FBXL17: variants seen among roughly 807,000 people sequenced by gnomAD.
FBXL17 encodes F-box/LRR-repeat protein 17.
FBXL17 carries 22 observed loss-of-function variants against 66.2 expected under a neutral mutation model. The ratio of observed to expected loss-of-function variants is 0.33; its 90% CI spans 0.24 to 0.47. The LOEUF is 0.47. Ranked by LOEUF, FBXL17 falls within the 20% of genes least tolerant of loss-of-function variation. The probability of loss-of-function intolerance (pLI) is 1.00; values close to 1 mark genes in which losing one functional copy is unlikely to be tolerated. For synonymous variants in FBXL17, 474 were observed against 400.5 expected, an observed-to-expected ratio of 1.18 and a Z score of -2.19; for missense variants, 878 against 948.2, an observed-to-expected ratio of 0.93 and a Z score of 0.97.
intron 4 of FBXL17, among the ~76,000 whole-genome samples, chr5:108,268,119 G>A (rs1318016733): frequency 6.6e-6 from 1 of 152,018 alleles, no homozygotes; most frequent in Non-Finnish European, 1.5e-5. Flanking sequence ...ACATTAGGCA[G>A]CTGATGGGGA....
intron 5 of FBXL17, among the ~76,000 whole-genome samples, chr5:108,215,397 A>G (rs1754556033): frequency 6.6e-6 from 1 of 152,144 alleles, no homozygotes; most frequent in Non-Finnish European, 1.5e-5. Flanking sequence ...TTTTTATTAC[A>G]ACCATCCTAG....
intron 7 of FBXL17, among the ~76,000 whole-genome samples, chr5:107,993,748 C>G (rs1351394538): frequency 3.3e-5 from 5 of 152,090 alleles, no homozygotes; most frequent in Non-Finnish European, 5.9e-5. Context: ...CAGGAATTTT[C>G]CTGTCAAATC....
Position 108,063,028 on chromosome 5 carries a change from T to G in FBXL17, c.1746-42027A>C, listed in dbSNP as rs191365532. ...TTCTTTTTGTATTTTTTTCTCACTT[T>G]TATCTCATACACTATTATAGTAGAA... On this transcript the variant is annotated intron_variant, in intron 6 of 8. Coordinates refer to ENST00000542267, the MANE Select transcript of FBXL17 (RefSeq NM_001163315.3). Among the ~76,000 whole-genome samples the G allele has an allele frequency of 6.4e-4, 97 of 152,330 alleles. No individual in the cohort carries two copies. In the East Asian group the frequency reaches 0.018, roughly 29 times the overall value.
intron 8 of FBXL17, among the ~76,000 whole-genome samples, chr5:107,871,069 A>AAAAAAAAAAAAAAAAC (rs1456052737): frequency 1.7e-4 from 22 of 130,222 alleles, no homozygotes; most frequent in African/African-American, 2.9e-4. Flanking sequence ...AAAAAAAAAA[A>AAAAAAAAAAAAAAAAC]AAAAAAAAAA....
chr5:108,221,868 G>A (rs1199197278), intron 5 of FBXL17, among the ~76,000 whole-genome samples: 2 of 152,116 alleles, frequency 1.3e-5, no homozygotes. Flanking sequence ...CAGAACCGAT[G>A]CATGTATAAA....
chr5:108,171,879 TG>T, intron 6 of FBXL17, among the ~76,000 whole-genome samples: 3 of 152,286 alleles, frequency 2.0e-5, no homozygotes, highest in Middle Eastern at 6.8e-3. Flanking sequence ...GTTCTTGCAA[TG>T]GTGAGTAAGT....
At chr5:108,006,573 T>C (rs747712699) in intron 7 of FBXL17, among the ~76,000 whole-genome samples, 13 of 152,234 alleles carry the variant, frequency 8.5e-5, no homozygotes, top group Non-Finnish European at 1.9e-4. Context: ...ATTAACCTAC[T>C]GAAAAGGAAG....
chr5:107,891,008 T>C (rs1749181021), intron 7 of FBXL17, among the ~76,000 whole-genome samples: 2 of 152,168 alleles, frequency 1.3e-5, no homozygotes, highest in African/African-American at 4.8e-5. Context: ...AAATAGACTA[T>C]ATAATTTTTC....
chr5:108,251,080 G>A (rs1756329701), intron 4 of FBXL17, among the ~76,000 whole-genome samples: 1 of 151,904 alleles, frequency 6.6e-6, no homozygotes, highest in South Asian at 2.1e-4. Flanking sequence ...TGAAAAACTA[G>A]CACCAATTAT....
chr5:107,965,696 T>C (rs550110969), intron 7 of FBXL17, among the ~76,000 whole-genome samples: 20 of 152,290 alleles, frequency 1.3e-4, no homozygotes, highest in African/African-American at 4.6e-4. Context: ...GCTTCCTTCA[T>C]AGGAAAAATT....
At chr5:108,298,465 T>G (rs981520702) in intron 4 of FBXL17, 1 of 970,334 alleles carries the variant, frequency 1.0e-6, no homozygotes, top group Non-Finnish European at 1.2e-6. Context: ...GCTTTAAATT[T>G]TACTGAAAGC....
At chr5:108,312,606 T>C in intron 4 of FBXL17, among the ~76,000 whole-genome samples, 1 of 152,050 alleles carries the variant, frequency 6.6e-6, no homozygotes, top group Non-Finnish European at 1.5e-5. Context: ...AACCCTGCTA[T>C]TCTAATTTTA....
chr5:108,341,266 A>G (rs1025673194), intron 4 of FBXL17, among the ~76,000 whole-genome samples: 1 of 152,186 alleles, frequency 6.6e-6, no homozygotes, highest in Non-Finnish European at 1.5e-5. Flanking sequence ...ATATTTAACC[A>G]TATGTCACTA....
intron 7 of FBXL17, among the ~76,000 whole-genome samples, chr5:108,009,421 T>G (rs1006250034): frequency 6.6e-6 from 1 of 150,546 alleles, no homozygotes; most frequent in African/African-American, 2.5e-5. Flanking sequence ...TAATTTTTAG[T>G]TTTTTAAAAT....
intron 8 of FBXL17, among the ~76,000 whole-genome samples, chr5:107,870,843 C>T (rs1205508484): frequency 1.3e-5 from 2 of 151,710 alleles, no homozygotes; most frequent in Non-Finnish European, 2.9e-5. Context: ...CCTCAGCCTC[C>T]CCAAAGTGCT....
intron 4 of FBXL17, among the ~76,000 whole-genome samples, chr5:108,266,237 T>C (rs1194039740): frequency 6.6e-6 from 1 of 152,150 alleles, no homozygotes; most frequent in African/African-American, 2.4e-5. Context: ...CCCTTATCCA[T>C]AGTTTCACAT....
At chr5:108,034,827 T>A (rs771564315) in intron 6 of FBXL17, among the ~76,000 whole-genome samples, 29 of 152,184 alleles carry the variant, frequency 1.9e-4, no homozygotes, top group Non-Finnish European at 2.6e-4. Context: ...ACTATTCAAT[T>A]ATGCCATATA....
At chr5:108,194,680 C>T (rs1753607576) in intron 5 of FBXL17, among the ~76,000 whole-genome samples, 1 of 152,172 alleles carries the variant, frequency 6.6e-6, no homozygotes, top group African/African-American at 2.4e-5. Context: ...TAATCTGAGT[C>T]TCTGAGGTAG....
intron 6 of FBXL17, among the ~76,000 whole-genome samples, chr5:108,105,931 A>G (rs1749778113): frequency 6.6e-6 from 1 of 152,214 alleles, no homozygotes; most frequent in Non-Finnish European, 1.5e-5. Flanking sequence ...AAGGAACAGG[A>G]GGAAGAATCT....
Sources: allele counts gnomAD v4.1 joint callset (sites outside exome capture counted in the v4.1 genomes callset), GRCh38; gene constraint gnomAD v4.1.1; transcripts MANE v1.5; gene names NCBI Gene and HGNC (gene_info 2026-07-23, HGNC 2026-07-21).